Variants in DLG2 observed in about 807,000 individuals in gnomAD.
DLG2 encodes the protein discs large MAGUK scaffold protein 2, also known as disks large homolog 2.
In DLG2, 45 loss-of-function variants were observed where a neutral mutation model predicts 132.5. The ratio of observed to expected loss-of-function variants is 0.34; its 90% CI spans 0.27 to 0.44. DLG2 has a LOEUF of 0.44. DLG2 is among the 20% of genes least tolerant of loss of function. The pLI, the probability that DLG2 is intolerant of heterozygous loss-of-function variation, is 1.00. For synonymous variants in DLG2, 424 were observed against 419.6 expected, an observed-to-expected ratio of 1.01 and a Z score of -0.13; for missense variants, 1,045 against 1,196.9, an observed-to-expected ratio of 0.87 and a Z score of 1.87.
At chr11:84,421,501 A>G (rs2098950650) in intron 7 of DLG2, among the ~76,000 whole-genome samples, 1 of 152,144 alleles carries the variant, frequency 6.6e-6, no homozygotes, top group Non-Finnish European at 1.5e-5. Flanking sequence ...GTTTGAGAAT[A>G]CTGTAAACGT....
At chr11:83,871,935 C>T (rs188400452) in intron 16 of DLG2, among the ~76,000 whole-genome samples, 135 of 152,062 alleles carry the variant, frequency 8.9e-4, no homozygotes, top group Admixed American at 3.2e-3. Flanking sequence ...TACTTATTGA[C>T]GGTCCAATAT....
chr11:85,241,899 TACA>T (rs1304537770), intron 4 of DLG2, among the ~76,000 whole-genome samples: 2 of 152,000 alleles, frequency 1.3e-5, no homozygotes, highest in Admixed American at 1.3e-4. Flanking sequence ...TTGCAACTGA[TACA>T]ACATTTCCAA....
intron 3 of DLG2, among the ~76,000 whole-genome samples, chr11:85,474,601 T>C (rs1353111511): frequency 6.6e-6 from 1 of 151,946 alleles, no homozygotes; most frequent in Non-Finnish European, 1.5e-5. Flanking sequence ...AGGTCATTTC[T>C]CAATTATAGA....
chr11:84,930,804 C>T (rs554025842), intron 6 of DLG2, among the ~76,000 whole-genome samples: 327 of 152,202 alleles, frequency 2.1e-3, no homozygotes, highest in Non-Finnish European at 3.7e-3. Flanking sequence ...CATCTAAAAA[C>T]AAATGCAAAA....
At chr11:84,338,293 T>C (rs1345892219) in intron 7 of DLG2, among the ~76,000 whole-genome samples, 1 of 152,192 alleles carries the variant, frequency 6.6e-6, no homozygotes, top group African/African-American at 2.4e-5. Flanking sequence ...GCCTATTTCC[T>C]TGATGAACTC....
chr11:83,547,556 GCC>G (rs2096272576), intron 19 of DLG2, among the ~76,000 whole-genome samples: 2 of 152,056 alleles, frequency 1.3e-5, no homozygotes, highest in South Asian at 4.1e-4. Flanking sequence ...GAAAATGGTG[GCC>G]TTTTACAAAC....
chr11:83,980,428 G>A, intron 12 of DLG2, 78 bp downstream of exon 12: 35 of 1,448,086 alleles, frequency 2.4e-5, no homozygotes, highest in Non-Finnish European at 3.1e-5. Context: ...ATGGCAGCCT[G>A]AACTGACAAA....
At chr11:84,403,846 C>T (rs983491052) in intron 7 of DLG2, among the ~76,000 whole-genome samples, 4 of 152,164 alleles carry the variant, frequency 2.6e-5, no homozygotes, top group Non-Finnish European at 5.9e-5. Context: ...TGAAAATAAC[C>T]TTGATAACTC....
At chr11:85,525,169 A>T (rs1298566902) in intron 3 of DLG2, 1 of 152,250 alleles carries the variant, frequency 6.6e-6, no homozygotes, top group Non-Finnish European at 1.5e-5. Context: ...AATAAAATTT[A>T]AAATCCTTTG....
intron 8 of DLG2, among the ~76,000 whole-genome samples, chr11:84,241,220 A>G (rs1338810937): frequency 6.6e-6 from 1 of 152,226 alleles, no homozygotes; most frequent in African/African-American, 2.4e-5. Context: ...TCCACCAGTC[A>G]GTAAAAATGT....
At chr11:85,395,465 G>A (rs1255974801) in intron 3 of DLG2, among the ~76,000 whole-genome samples, 2 of 152,186 alleles carry the variant, frequency 1.3e-5, no homozygotes, top group African/African-American at 4.8e-5. Context: ...GCCTCAAACA[G>A]GAAGTGCAAG....
chr11:83,608,724 G>C (rs28539443), intron 19 of DLG2, among the ~76,000 whole-genome samples: 2 of 146,238 alleles, frequency 1.4e-5, no homozygotes, highest in African/African-American at 5.1e-5. Context: ...ACACACACAC[G>C]CACACACACA....
intron 9 of DLG2, among the ~76,000 whole-genome samples, chr11:84,099,303 A>T (rs546632195): frequency 6.6e-6 from 1 of 152,356 alleles, no homozygotes; most frequent in South Asian, 2.1e-4. Context: ...AATTAAAATC[A>T]CATTTATGAA....
intron 9 of DLG2, among the ~76,000 whole-genome samples, chr11:84,133,630 T>TCTTCTTCTTCTA (rs770912034): frequency 5.3e-4 from 2 of 3,744 alleles, no homozygotes; most frequent in Non-Finnish European, 1.5e-3. Flanking sequence ...ATTTTTTCCT[T>TCTTCTTCTTCTA]CTTCTTCTTC....
intron 3 of DLG2, among the ~76,000 whole-genome samples, chr11:85,482,038 G>A (rs1565559271): frequency 6.6e-6 from 1 of 151,610 alleles, no homozygotes; most frequent in Non-Finnish European, 1.5e-5. Flanking sequence ...AGACCCAGCA[G>A]AAGACATGAC....
intron 6 of DLG2, among the ~76,000 whole-genome samples, chr11:84,917,627 G>A (rs2092548794): frequency 1.3e-5 from 2 of 152,158 alleles, no homozygotes; most frequent in Admixed American, 6.5e-5. Flanking sequence ...TGTTGATGTA[G>A]TCTAGGGTCC....
chr11:83,486,701 A>G (rs2093536399), intron 21 of DLG2, among the ~76,000 whole-genome samples: 1 of 152,146 alleles, frequency 6.6e-6, no homozygotes, highest in Non-Finnish European at 1.5e-5. Context: ...GAATAAAAGT[A>G]TCTAACATGT....
intron 14 of DLG2, among the ~76,000 whole-genome samples, chr11:83,941,636 C>T (rs769729515): frequency 6.6e-5 from 10 of 152,054 alleles, no homozygotes; most frequent in South Asian, 2.1e-4. Flanking sequence ...TCAGGTGATC[C>T]GCCGGCCTCA....
At chr11:84,401,338 C>T (rs2098828740) in intron 7 of DLG2, among the ~76,000 whole-genome samples, 1 of 152,098 alleles carries the variant, frequency 6.6e-6, no homozygotes, top group South Asian at 2.1e-4. Flanking sequence ...CTTTTCACAA[C>T]TTATTATACT....
Sources: gnomAD v4.1 joint callset for allele counts (sites outside exome capture counted in the v4.1 genomes callset) on GRCh38, gnomAD v4.1.1 for gene constraint, MANE v1.5 for transcripts, NCBI Gene and HGNC (gene_info 2026-07-23, HGNC 2026-07-21) for gene names.